Variants in PRKG1 observed in about 807,000 individuals in gnomAD.
PRKG1 encodes protein kinase cGMP-dependent 1, also known as cGMP-dependent protein kinase 1.
PRKG1 carries 35 observed loss-of-function variants against 88.1 expected under a neutral mutation model. The observed-to-expected ratio is 0.40, with a 90% CI of 0.30 to 0.53. The LOEUF (loss-of-function observed/expected upper bound fraction) is 0.53. PRKG1 is among the 20% of genes least tolerant of loss of function. PRKG1 has a pLI of 0.59. For missense variants in PRKG1, 540 were observed against 839.8 expected (o/e 0.64, Z 4.41); for synonymous variants, 303 against 292.5 (o/e 1.04, Z -0.37).
At chr10:51,785,476 C>A (rs1838704311) in intron 3 of PRKG1, among the ~76,000 whole-genome samples, 1 of 152,042 alleles carries the variant, frequency 6.6e-6, no homozygotes, top group African/African-American at 2.4e-5. Flanking sequence ...AATTGGAATC[C>A]TAAAACATAT....
At chr10:52,170,296 C>G (rs1001943253) in intron 9 of PRKG1, among the ~76,000 whole-genome samples, 3 of 152,170 alleles carry the variant, frequency 2.0e-5, no homozygotes, top group African/African-American at 7.2e-5. Context: ...CTCTCCTCAT[C>G]ATGCACCTAA....
chr10:51,313,695 A>G (rs1340561790), intron 2 of PRKG1, among the ~76,000 whole-genome samples: 5 of 152,178 alleles, frequency 3.3e-5, no homozygotes, highest in African/African-American at 1.2e-4. Flanking sequence ...CAGGACCCAG[A>G]GCGGGTACCA....
At chr10:52,039,670 A>T (rs1307353658) in intron 5 of PRKG1, among the ~76,000 whole-genome samples, 1 of 152,136 alleles carries the variant, frequency 6.6e-6, no homozygotes, top group Admixed American at 6.6e-5. Flanking sequence ...ACCATAACCT[A>T]GGAAGGGACC....
chr10:52,101,326 G>A lies in PRKG1; in HGVS notation c.936-32514G>A, dbSNP rs561857301. Reference sequence around the variant, plus strand: ...ACAGCCTAAAAATATTAAGGAATACGAATTTGACATAATTTTACCATAACC... The same window carrying A: ...ACAGCCTAAAAATATTAAGGAATACAAATTTGACATAATTTTACCATAACC... On this transcript the variant is annotated intron_variant, in intron 7 of 17. Transcript: ENST00000373980. Among the ~76,000 whole-genome samples, 5 of 151,540 alleles carry A rather than the reference G, an allele frequency of 3.3e-5. No homozygotes were observed. In the South Asian group the frequency reaches 6.3e-4, roughly 19 times the overall value.
intron 5 of PRKG1, among the ~76,000 whole-genome samples, chr10:51,966,877 T>C (rs990982931): frequency 2.0e-5 from 3 of 151,896 alleles, no homozygotes; most frequent in Non-Finnish European, 2.9e-5. Context: ...CTCATACCAG[T>C]TAGAATGGCA....
At chr10:51,064,004 A>C (rs1239839100) in intron 1 of PRKG1, among the ~76,000 whole-genome samples, 3 of 152,064 alleles carry the variant, frequency 2.0e-5, no homozygotes, top group Admixed American at 6.5e-5. Context: ...AAGGAGTACA[A>C]ATTTCTCTTG....
intron 2 of PRKG1, among the ~76,000 whole-genome samples, chr10:51,296,553 AT>A (rs1840725126): frequency 6.6e-6 from 1 of 151,792 alleles, no homozygotes; most frequent in East Asian, 1.9e-4. Context: ...GATTTTATTT[AT>A]TTGAGTCTTC....
chr10:51,483,009 CTTTTTT>C (rs149140774), intron 3 of PRKG1, among the ~76,000 whole-genome samples: 10 of 110,478 alleles, frequency 9.1e-5, no homozygotes, highest in African/African-American at 2.1e-4. Context: ...TCTTTTCTTT[CTTTTTT>C]TTTTTTTTTT....
At chr10:52,134,588 G>A (rs1837354785) in intron 8 of PRKG1, among the ~76,000 whole-genome samples, 1 of 152,290 alleles carries the variant, frequency 6.6e-6, no homozygotes, top group African/African-American at 2.4e-5. Flanking sequence ...GGAAGCAGTG[G>A]AACAGGCTTT....
chr10:51,865,762 A>C (rs974990379), intron 4 of PRKG1, among the ~76,000 whole-genome samples: 2 of 152,202 alleles, frequency 1.3e-5, no homozygotes, highest in Admixed American at 1.3e-4. Flanking sequence ...CTAAGGGAAA[A>C]TATCTGATTT....
chr10:51,053,706 C>T (rs1467153933), intron 1 of PRKG1, among the ~76,000 whole-genome samples: 9 of 151,426 alleles, frequency 5.9e-5, no homozygotes, highest in Admixed American at 1.3e-4. Flanking sequence ...AAAGATTAAA[C>T]GTAAGTAGTT....
At chr10:51,836,903 G>T (rs1216778747) in intron 4 of PRKG1, among the ~76,000 whole-genome samples, 4 of 152,158 alleles carry the variant, frequency 2.6e-5, no homozygotes, top group Non-Finnish European at 4.4e-5. Flanking sequence ...AATTGCTTTA[G>T]CATTGTTTTG....
chr10:52,197,481 T>C (rs1293234226), intron 9 of PRKG1, among the ~76,000 whole-genome samples: 1 of 152,200 alleles, frequency 6.6e-6, no homozygotes, highest in Admixed American at 6.5e-5. Flanking sequence ...ACAAGCTTCA[T>C]CTGGTATAAG....
At chr10:51,138,670 GTTTTGTTTTTT>G (rs1301251072) in intron 1 of PRKG1, among the ~76,000 whole-genome samples, 19 of 67,046 alleles carry the variant, frequency 2.8e-4, no homozygotes, top group African/African-American at 6.8e-4. Flanking sequence ...TGGACATTGA[GTTTTGTTTTTT>G]TTTTTTTTTT....
rs146927007 is a variant in PRKG1, at chr10:51,631,979, C to T, written c.592+164143C>T. ...TTATTTGCATTATTATCCCAGATTG[C>T]AGTAACATCTAAATGAAGCTTGTCC... On this transcript the variant is annotated intron_variant, in intron 3 of 17. Transcript: ENST00000373980. Among the ~76,000 whole-genome samples, 783 of 152,282 alleles carry T rather than the reference C, an allele frequency of 5.1e-3. 4 individuals carry two copies. The highest frequency in any genetic ancestry group is 0.018 in the African/African-American group (737 of 41,548).
intron 3 of PRKG1, among the ~76,000 whole-genome samples, chr10:51,792,334 C>G (rs147428704): frequency 1.3e-5 from 2 of 152,012 alleles, no homozygotes; most frequent in African/African-American, 4.8e-5. Flanking sequence ...TCCTTTTTTT[C>G]CCTGTTCTTT....
At chr10:51,286,873 G>A (rs906123312) in intron 2 of PRKG1, among the ~76,000 whole-genome samples, 4 of 152,030 alleles carry the variant, frequency 2.6e-5, no homozygotes, top group African/African-American at 9.7e-5. Context: ...GTTTTCTTTT[G>A]TTTGTATTGT....
chr10:51,537,446 A>G (rs1564539873), intron 3 of PRKG1, among the ~76,000 whole-genome samples: 1 of 152,028 alleles, frequency 6.6e-6, no homozygotes, highest in Non-Finnish European at 1.5e-5. Flanking sequence ...TAAATTACTC[A>G]GAGAGGCCAG....
intron 5 of PRKG1, among the ~76,000 whole-genome samples, chr10:52,037,036 C>A (rs1017560804): frequency 6.6e-6 from 1 of 151,744 alleles, no homozygotes. Flanking sequence ...AGTCTTCAGC[C>A]GCTAAGCCGA....
Sources: gnomAD v4.1 joint callset for allele counts (sites outside exome capture counted in the v4.1 genomes callset) on GRCh38, gnomAD v4.1.1 for gene constraint, MANE v1.5 for transcripts, NCBI Gene and HGNC (gene_info 2026-07-23, HGNC 2026-07-21) for gene names.